The following THADA variants were observed in gnomAD, a reference collection of about 807,000 sequenced individuals.
THADA encodes THADA armadillo repeat containing, also known as tRNA (32-2'-O)-methyltransferase regulator THADA.
In THADA, 213 loss-of-function variants were observed where a neutral mutation model predicts 219.8. That is an observed-to-expected ratio of 0.97 (90% CI 0.87 to 1.09). The LOEUF (loss-of-function observed/expected upper bound fraction) is 1.09, where lower values mean the gene tolerates loss of function less well. Ranked by LOEUF, THADA falls within the 50% of genes least tolerant of loss-of-function variation. The pLI is 0.00. For missense variants in THADA, 2,956 were observed against 2,311.3 expected, an observed-to-expected ratio of 1.28 and a Z score of -5.72; for synonymous variants, 1,018 against 828.9, an observed-to-expected ratio of 1.23 and a Z score of -3.92.
At chr2:43,494,389 C>T (rs983199661) in intron 25 of THADA, among the ~76,000 whole-genome samples, 6 of 152,126 alleles carry the variant, frequency 3.9e-5, no homozygotes, top group South Asian at 2.1e-4. Flanking sequence ...TGTTAGGACC[C>T]GGGCTTTACT....
intron 25 of THADA, among the ~76,000 whole-genome samples, chr2:43,493,605 G>T (rs887147711): frequency 6.6e-6 from 1 of 152,120 alleles, no homozygotes; most frequent in African/African-American, 2.4e-5. Context: ...TCTGCAATGA[G>T]GATGAGGATG....
chr2:43,290,945 C>G (rs935769921), intron 34 of THADA, among the ~76,000 whole-genome samples: 1 of 152,048 alleles, frequency 6.6e-6, no homozygotes, highest in Non-Finnish European at 1.5e-5. Context: ...CCAGAGCCAG[C>G]TGGGCCATGT....
chr2:43,266,676 G>A (rs1671558545), intron 36 of THADA, among the ~76,000 whole-genome samples: 1 of 152,158 alleles, frequency 6.6e-6, no homozygotes, highest in African/African-American at 2.4e-5. Flanking sequence ...AGCTTAGTGT[G>A]GGTGAAAGGA....
intron 29 of THADA, among the ~76,000 whole-genome samples, chr2:43,393,172 A>G (rs930413760): frequency 2.6e-5 from 4 of 152,108 alleles, no homozygotes; most frequent in Admixed American, 2.0e-4. Context: ...GGTACAATAT[A>G]CCTTTCACGG....
intron 29 of THADA, among the ~76,000 whole-genome samples, chr2:43,393,884 A>G (rs1321492459): frequency 6.6e-6 from 1 of 152,172 alleles, no homozygotes; most frequent in African/African-American, 2.4e-5. Flanking sequence ...TGAGTTAAGT[A>G]CCCAAGAATC....
chr2:43,508,795 T>C lies in THADA; in HGVS notation c.3375-15A>G. ...CATTTGGGCACCTAAAAGGCATATA[T>C]AATCAAATATTCGGAATTAGGTATC... On this transcript the variant is annotated splice_polypyrimidine_tract_variant and intron_variant, in intron 22 of 37. Transcript: ENST00000405975. 1 of 1,610,764 alleles carries C rather than the reference T, an allele frequency of 6.2e-7. No homozygotes were observed. Among genetic ancestry groups the C allele is most frequent in the Non-Finnish European group, 8.5e-7 (1 of 1,178,608 alleles).
At chr2:43,476,343 A>G (rs1344424724) in intron 26 of THADA, among the ~76,000 whole-genome samples, 1 of 152,190 alleles carries the variant, frequency 6.6e-6, no homozygotes, top group Non-Finnish European at 1.5e-5. Flanking sequence ...GCCATCTTGC[A>G]ACCATGAAGG....
chr2:43,306,647 AATC>A (rs1292020176), intron 31 of THADA, among the ~76,000 whole-genome samples: 1 of 152,174 alleles, frequency 6.6e-6, no homozygotes, highest in African/African-American at 2.4e-5. Flanking sequence ...CCTGGCACCA[AATC>A]ATCTGTGATG....
chr2:43,381,787 G>T (rs565980582), intron 29 of THADA, among the ~76,000 whole-genome samples: 3 of 151,936 alleles, frequency 2.0e-5, no homozygotes, highest in Non-Finnish European at 4.4e-5. Flanking sequence ...CCATGGCCCC[G>T]TTGGCCATGC....
At chr2:43,280,145 G>A (rs1673176199) in intron 35 of THADA, among the ~76,000 whole-genome samples, 1 of 152,170 alleles carries the variant, frequency 6.6e-6, no homozygotes, top group African/African-American at 2.4e-5. Context: ...CCAGCGCTAG[G>A]CAAGGCCTCC....
chr2:43,289,456 A>G (rs1285478313), intron 34 of THADA, among the ~76,000 whole-genome samples: 1 of 152,168 alleles, frequency 6.6e-6, no homozygotes, highest in Non-Finnish European at 1.5e-5. Flanking sequence ...TTTCCCCAGG[A>G]GCGTCTTTTA....
intron 25 of THADA, 78 bp downstream of exon 25, chr2:43,498,755 C>A (rs1374879491): frequency 2.2e-6 from 3 of 1,390,784 alleles, no homozygotes; most frequent in Admixed American, 2.6e-5. Flanking sequence ...TTTTTTATCA[C>A]CCAGTGAAAG....
rs764094980 is a variant in THADA, at chr2:43,593,630, C to CTTT, written c.-24-1217_-24-1215dup. Among the ~76,000 whole-genome samples, 119 of 127,642 alleles carry CTTT rather than the reference C, an allele frequency of 9.3e-4. 2 individuals are homozygous for CTTT. The highest frequency in any genetic ancestry group is 3.1e-3 in the African/African-American group (99 of 31,998). The allele number at this position is 127,642 out of a possible 152,430, so 83.7% of individuals were successfully genotyped here. A position where few individuals can be genotyped will look rare whatever the true frequency, so the allele number is the denominator to read the frequency against. ...AATAGATTTATTTGTCTACTACAGA[C>CTTT]TTTTTTTTTTTTTTTTTTTTTGAGA... On this transcript the variant is annotated intron_variant, in intron 1 of 37. Coordinates refer to ENST00000405975, the MANE Select transcript of THADA (RefSeq NM_022065.5).
chr2:43,264,328 C>T (rs544353900), intron 36 of THADA, among the ~76,000 whole-genome samples: 3 of 151,130 alleles, frequency 2.0e-5, no homozygotes, highest in Admixed American at 6.6e-5. Flanking sequence ...TCTTGTTGCC[C>T]GGGCTAAAGG....
At chr2:43,262,235 A>C (rs1671041460) in intron 36 of THADA, among the ~76,000 whole-genome samples, 1 of 152,200 alleles carries the variant, frequency 6.6e-6, no homozygotes, top group African/African-American at 2.4e-5. Context: ...AGCCAATGAG[A>C]GGTAAAGAGA....
chr2:43,475,472 T>C (rs1685421121), intron 26 of THADA, among the ~76,000 whole-genome samples: 1 of 150,154 alleles, frequency 6.7e-6, no homozygotes, highest in Non-Finnish European at 1.5e-5. Context: ...TGACTTCACA[T>C]TATTTGGCCT....
intron 29 of THADA, among the ~76,000 whole-genome samples, chr2:43,376,177 TA>T (rs1185820794): frequency 6.6e-6 from 1 of 152,218 alleles, no homozygotes; most frequent in Non-Finnish European, 1.5e-5. Context: ...GTTCAGAATG[TA>T]CATGGCTTCC....
chr2:43,298,538 G>C (rs1417865980), intron 31 of THADA, among the ~76,000 whole-genome samples: 1 of 146,032 alleles, frequency 6.8e-6, no homozygotes, highest in Non-Finnish European at 1.5e-5. Flanking sequence ...TCCCTCCACT[G>C]TTGTCCCATG....
chr2:43,526,133 T>C (rs1693135893), intron 22 of THADA, among the ~76,000 whole-genome samples: 1 of 152,202 alleles, frequency 6.6e-6, no homozygotes, highest in Non-Finnish European at 1.5e-5. Context: ...GCAAATACCC[T>C]TTTCCTTAAA....
Sources: gnomAD v4.1 joint callset for allele counts (sites outside exome capture counted in the v4.1 genomes callset) on GRCh38, gnomAD v4.1.1 for gene constraint, MANE v1.5 for transcripts, NCBI Gene and HGNC (gene_info 2026-07-23, HGNC 2026-07-21) for gene names.